EPG5: variants seen among roughly 807,000 people sequenced by gnomAD.
EPG5 encodes the protein ectopic P-granules 5 autophagy tethering factor.
In EPG5, 159 loss-of-function variants were observed where a neutral mutation model predicts 302.7. That is an observed-to-expected ratio of 0.53 (90% CI 0.46 to 0.60). The LOEUF (loss-of-function observed/expected upper bound fraction) is 0.60, where lower values mean the gene tolerates loss of function less well. Among genes scored for constraint, EPG5 ranks in the 20% least tolerant of loss-of-function variants. EPG5 has a pLI of 0.00. For synonymous variants in EPG5, 1,158 were observed against 1,136.8 expected, an observed-to-expected ratio of 1.02 and a Z score of -0.37; for missense variants, 2,896 against 3,092.4, an observed-to-expected ratio of 0.94 and a Z score of 1.51.
At chr18:45,905,111 C>T (rs1020303846) in intron 24 of EPG5, among the ~76,000 whole-genome samples, 3 of 152,136 alleles carry the variant, frequency 2.0e-5, no homozygotes, top group Non-Finnish European at 4.4e-5. Flanking sequence ...TAACCTCTCC[C>T]TACACTCCCA....
chr18:45,964,320 A>T (rs927900135), intron 1 of EPG5, among the ~76,000 whole-genome samples: 63 of 152,342 alleles, frequency 4.1e-4, no homozygotes, highest in Admixed American at 1.3e-3. Context: ...CTGGATTGAG[A>T]GTCAGGATTT....
At chr18:45,924,026 CA>C (rs533114460) in intron 14 of EPG5, among the ~76,000 whole-genome samples, 5,946 of 96,424 alleles carry the variant, frequency 0.062, 290 homozygotes, top group African/African-American at 0.17. Context: ...GATTCTGACT[CA>C]AAAAAAAAAA....
chr18:45,872,464 G>A (rs1396128851), intron 35 of EPG5, among the ~76,000 whole-genome samples: 1 of 152,182 alleles, frequency 6.6e-6, no homozygotes, highest in East Asian at 1.9e-4. Flanking sequence ...GGCACTTTGG[G>A]AGGCCGAGGC....
At chr18:45,829,209 A>G in the EPG5 span, 2 of 950,518 alleles carry the variant, frequency 2.1e-6, no homozygotes, top group Non-Finnish European at 2.5e-6. Flanking sequence ...CCCACGCCAC[A>G]GTCAGCCTGC....
rs577226132 is a variant in EPG5 at position 45,877,256 on chromosome 18, AT to A, written c.5943-915del. 3.0e-4 allele frequency among the ~76,000 whole-genome samples: 46 copies of A among 152,018 alleles called. 1 individual carries two copies. In the South Asian group the frequency reaches 8.8e-3, roughly 29 times the overall value. On this transcript the variant is annotated intron_variant, in intron 34 of 43. Transcript: ENST00000282041. The stretch of plus-strand genomic sequence containing the variant: ...TACTAAAAATACAAAAAAAATAAAA[AT>A]TAAAATTGAAAAATAGCTGGACGTG...
chr18:45,917,411 C>T (rs1389104612), intron 17 of EPG5, among the ~76,000 whole-genome samples: 3 of 152,190 alleles, frequency 2.0e-5, no homozygotes, highest in Non-Finnish European at 4.4e-5. Context: ...AACAACTGCT[C>T]CTTCATATAC....
intron 8 of EPG5, 59 bp downstream of exon 8, chr18:45,943,946 G>T: frequency 9.4e-7 from 1 of 1,068,806 alleles, no homozygotes; most frequent in Non-Finnish European, 1.4e-6. Context: ...ACTCAATGCA[G>T]AGTTCCTGTG....
rs1404028043 is a variant in EPG5 at position 45,880,175 on chromosome 18, C to T, written c.5567G>A (p.Arg1856Lys). 17 of 1,610,722 alleles carry T rather than the reference C, an allele frequency of 1.1e-5. No homozygotes were observed. Among genetic ancestry groups the T allele is most frequent in the South Asian group, 3.3e-5 (3 of 90,976 alleles). The change falls in exon 32 of 44, where the codon AGA becomes AAA. Residue 1856 changes from arginine (R) to lysine (K), a missense_variant. Transcript: ENST00000282041. ...GCTGGGGGCGCAGCAGCCCAGGGCT[C>T]TCAGAGTGGCCTTCCAACACTCGGG... Reference protein sequence around the residue: ...LSPECWKATLRALGCCAPSCQ... With the variant: ...LSPECWKATLKALGCCAPSCQ...
At chr18:45,908,815 G>A (rs1292109195) in intron 23 of EPG5, among the ~76,000 whole-genome samples, 3 of 152,014 alleles carry the variant, frequency 2.0e-5, no homozygotes, top group Non-Finnish European at 4.4e-5. Flanking sequence ...CGGGTGTGGT[G>A]GTGCACACCT....
intron 1 of EPG5, among the ~76,000 whole-genome samples, chr18:45,957,611 G>A (rs2051060592): frequency 1.3e-5 from 2 of 152,188 alleles, no homozygotes; most frequent in South Asian, 4.1e-4. Context: ...GGTTAAGGAG[G>A]TGAGTGGTAC....
chr18:45,881,216 C>T (rs2049091433), intron 31 of EPG5, among the ~76,000 whole-genome samples: 1 of 152,190 alleles, frequency 6.6e-6, no homozygotes, highest in South Asian at 2.1e-4. Context: ...TAGCTAAATT[C>T]CAGTCAATAG....
chr18:45,900,728 T>C (rs1382566750), intron 26 of EPG5, among the ~76,000 whole-genome samples: 1 of 152,180 alleles, frequency 6.6e-6, no homozygotes, highest in Non-Finnish European at 1.5e-5. Context: ...ATGAGAAGCA[T>C]ACGAAAATCT....
At chr18:45,940,185 A>C (rs748860701) in intron 9 of EPG5, among the ~76,000 whole-genome samples, 61 of 152,322 alleles carry the variant, frequency 4.0e-4, no homozygotes, top group Admixed American at 6.5e-4. Flanking sequence ...CACGTAGAAG[A>C]AACAGCCAAT....
At chr18:45,943,629 AGT>A in intron 8 of EPG5, among the ~76,000 whole-genome samples, 1 of 152,272 alleles carries the variant, frequency 6.6e-6, no homozygotes, top group Admixed American at 6.5e-5. Context: ...CTACACAAGA[AGT>A]AAGACTCGGG....
At chr18:45,855,739 T>A in intron 42 of EPG5, 52 bp from the exon 43 acceptor site, 1 of 1,177,992 alleles carries the variant, frequency 8.5e-7, no homozygotes, top group Non-Finnish European at 1.3e-6. Context: ...AAAGTAAGCA[T>A]TTTGAAATAA....
the EPG5 span, chr18:45,837,058 A>C: frequency 3.8e-6 from 6 of 1,564,732 alleles, no homozygotes; most frequent in African/African-American, 6.8e-5. Context: ...AATAGATACT[A>C]CGGAGAACTT....
chr18:45,954,344 C>T (rs1379709885), intron 2 of EPG5, 50 bp downstream of exon 2: 1 of 1,512,418 alleles, frequency 6.6e-7, no homozygotes, highest in South Asian at 1.3e-5. Flanking sequence ...GGACAACATC[C>T]CAGGAATAGC....
At chr18:45,887,634 T>A (rs1356122427) in intron 29 of EPG5, 117 bp downstream of exon 29, 1 of 837,490 alleles carries the variant, frequency 1.2e-6, no homozygotes, top group African/African-American at 1.7e-5. Flanking sequence ...GCTTCTGACT[T>A]GGGTAAGACT....
intron 35 of EPG5, among the ~76,000 whole-genome samples, chr18:45,873,233 T>C (rs2048907192): frequency 6.6e-6 from 1 of 152,160 alleles, no homozygotes; most frequent in African/African-American, 2.4e-5. Flanking sequence ...TAAATATGGC[T>C]GGGCATGGTG....
Sources: allele counts gnomAD v4.1 joint callset (sites outside exome capture counted in the v4.1 genomes callset), GRCh38; gene constraint gnomAD v4.1.1; transcripts MANE v1.5; gene names NCBI Gene and HGNC (gene_info 2026-07-23, HGNC 2026-07-21).